GPC5: variants seen among roughly 807,000 people sequenced by gnomAD.
GPC5 encodes glypican-5.
In GPC5, 47 loss-of-function variants were observed where a neutral mutation model predicts 53.9. That is an observed-to-expected ratio of 0.87 (90% CI 0.69 to 1.11). The LOEUF is 1.11. Among genes scored for constraint, GPC5 ranks in the 50% most tolerant of loss-of-function variants. GPC5 has a pLI of 0.00. For synonymous variants in GPC5, 286 were observed against 263.3 expected (o/e 1.09, Z -0.84); for missense variants, 748 against 713.1 (o/e 1.05, Z -0.56).
chr13:91,928,099 A>T (rs1317768274), intron 6 of GPC5, among the ~76,000 whole-genome samples: 1 of 152,204 alleles, frequency 6.6e-6, no homozygotes, highest in Non-Finnish European at 1.5e-5. Context: ...TTACTGAGCT[A>T]TTAGACTCAA....
At chr13:92,385,780 T>TATATATACATATATACGTATATATAC (rs1351163884) in intron 7 of GPC5, among the ~76,000 whole-genome samples, 14 of 27,298 alleles carry the variant, frequency 5.1e-4, no homozygotes, top group African/African-American at 1.8e-3. Context: ...TATATACATA[T>TATATATACATATATACGTATATATAC]ATGTATATAT....
At chr13:92,238,290 C>T (rs2042584819) in intron 7 of GPC5, among the ~76,000 whole-genome samples, 1 of 151,882 alleles carries the variant, frequency 6.6e-6, no homozygotes, top group Non-Finnish European at 1.5e-5. Flanking sequence ...AGAGTAGCTT[C>T]ATCACTTTAT....
At chr13:92,624,037 T>C (rs1426353763) in intron 7 of GPC5, among the ~76,000 whole-genome samples, 3 of 151,534 alleles carry the variant, frequency 2.0e-5, no homozygotes, top group South Asian at 4.2e-4. Context: ...TTTTTTTCTA[T>C]TTTTAGTAGA....
intron 7 of GPC5, among the ~76,000 whole-genome samples, chr13:92,196,289 A>C (rs1300398516): frequency 6.6e-6 from 1 of 152,168 alleles, no homozygotes; most frequent in Admixed American, 6.5e-5. Context: ...GATATTTTAT[A>C]AGATTTAATT....
intron 2 of GPC5, among the ~76,000 whole-genome samples, chr13:91,496,876 C>G (rs1884296047): frequency 6.6e-6 from 1 of 152,092 alleles, no homozygotes; most frequent in South Asian, 2.1e-4. Flanking sequence ...ATTAAAGTAT[C>G]TCATGTACCC....
intron 6 of GPC5, among the ~76,000 whole-genome samples, chr13:92,048,359 G>T (rs1050771525): frequency 1.3e-5 from 2 of 151,928 alleles, no homozygotes; most frequent in African/African-American, 2.4e-5. Flanking sequence ...ACTATGCTGT[G>T]TTACAATTCT....
At chr13:92,072,456 G>A (rs2041220281) in intron 6 of GPC5, among the ~76,000 whole-genome samples, 1 of 151,714 alleles carries the variant, frequency 6.6e-6, no homozygotes, top group East Asian at 1.9e-4. Flanking sequence ...TAGTGGAGAC[G>A]GGGTTTCACC....
chr13:91,739,454 A>G (rs1294519415), intron 4 of GPC5, among the ~76,000 whole-genome samples: 1 of 151,290 alleles, frequency 6.6e-6, no homozygotes, highest in East Asian at 1.9e-4. Context: ...TTATTATCCT[A>G]TTTTCTGTTA....
chr13:92,512,058 C>A (rs1364664896), intron 7 of GPC5, among the ~76,000 whole-genome samples: 1 of 152,166 alleles, frequency 6.6e-6, no homozygotes, highest in Non-Finnish European at 1.5e-5. Context: ...TAGCTCCTGA[C>A]CTTCTCTAAG....
chr13:92,434,377 T>A (rs927908902), intron 7 of GPC5, among the ~76,000 whole-genome samples: 4 of 152,160 alleles, frequency 2.6e-5, no homozygotes, highest in Admixed American at 1.3e-4. Flanking sequence ...ATTTTTAAAG[T>A]CCCATTGCAA....
At chr13:91,848,646 G>A (rs1011985806) in intron 5 of GPC5, among the ~76,000 whole-genome samples, 3 of 152,186 alleles carry the variant, frequency 2.0e-5, no homozygotes, top group Non-Finnish European at 4.4e-5. Flanking sequence ...TTTCATAAGT[G>A]AGGTATATCT....
At chr13:92,474,028 C>A (rs1310222252) in intron 7 of GPC5, among the ~76,000 whole-genome samples, 1 of 152,068 alleles carries the variant, frequency 6.6e-6, no homozygotes, top group African/African-American at 2.4e-5. Context: ...TATTGCCTTG[C>A]TAAAGTCCCA....
intron 2 of GPC5, among the ~76,000 whole-genome samples, chr13:91,483,412 G>T (rs1883411582): frequency 6.6e-6 from 1 of 152,084 alleles, no homozygotes; most frequent in African/African-American, 2.4e-5. Flanking sequence ...GAGATGTCTT[G>T]ATTAATTAAT....
intron 7 of GPC5, chr13:92,490,036 T>C (rs570330527): frequency 6.5e-6 from 1 of 153,112 alleles, no homozygotes; most frequent in East Asian, 1.9e-4. Flanking sequence ...GAATGTCTGT[T>C]TACATACTCT....
rs1275364344 is a variant in GPC5 at position 91,483,308 on chromosome 13, G to T, written c.325+34386G>T. Among the ~76,000 whole-genome samples the T allele has an allele frequency of 3.9e-5, 6 of 152,250 alleles. No individual in the cohort carries two copies. In the South Asian group the frequency reaches 1.0e-3, roughly 26 times the overall value. On this transcript the variant is annotated intron_variant, in intron 2 of 7. Coordinates refer to ENST00000377067, the MANE Select transcript of GPC5 (RefSeq NM_004466.6). Reference sequence around the variant, plus strand: ...AGAACCTTTGTTCTCTAGGCTGATGGCTCAAATAAGGCCTTTGTATGTTAG... The same window carrying T: ...AGAACCTTTGTTCTCTAGGCTGATGTCTCAAATAAGGCCTTTGTATGTTAG...
intron 2 of GPC5, among the ~76,000 whole-genome samples, chr13:91,517,158 C>T (rs563867318): frequency 3.9e-4 from 60 of 152,258 alleles, no homozygotes; most frequent in African/African-American, 1.4e-3. Context: ...ATTTCTACAG[C>T]CAGCTTGAAT....
chr13:92,137,455 A>T (rs1486066229), intron 6 of GPC5, among the ~76,000 whole-genome samples: 1 of 152,210 alleles, frequency 6.6e-6, no homozygotes. Context: ...TCTCTCCTCC[A>T]ATACAGGATT....
intron 2 of GPC5, among the ~76,000 whole-genome samples, chr13:91,606,791 C>T (rs146571273): frequency 0.028 from 4,311 of 152,186 alleles, 70 homozygotes; most frequent in Middle Eastern, 0.051. Flanking sequence ...TCTGTGGGAT[C>T]GGTGGTGATA....
rs539550480 is a variant in GPC5, at chr13:92,598,181, A to G, written c.1562-268101A>G. ...ATGAAAATAAAATGTTTCAAAAGTA[A>G]AGATTCAAACTGTGAAATCCTCAGT... is the stretch of plus-strand genomic sequence containing the variant. On this transcript the variant is annotated intron_variant, in intron 7 of 7. Coordinates refer to ENST00000377067, the MANE Select transcript of GPC5 (RefSeq NM_004466.6). Among the ~76,000 whole-genome samples, 70 of 152,340 alleles carry G rather than the reference A, an allele frequency of 4.6e-4. 1 individual carries two copies. The highest frequency in any genetic ancestry group is 2.1e-4 in the Non-Finnish European group (14 of 68,036).
Sources: allele counts gnomAD v4.1 joint callset (sites outside exome capture counted in the v4.1 genomes callset), GRCh38; gene constraint gnomAD v4.1.1; transcripts MANE v1.5; gene names NCBI Gene and HGNC (gene_info 2026-07-23, HGNC 2026-07-21).